Variants in DIP2C observed in about 807,000 individuals in gnomAD.
DIP2C encodes disco-interacting protein 2 homolog C.
A neutral mutation model predicts 192.4 loss-of-function variants in DIP2C; 33 were observed. That is an observed-to-expected ratio of 0.17 (90% confidence interval 0.13 to 0.23). The LOEUF is 0.23. Among genes scored for constraint, DIP2C ranks in the 10% least tolerant of loss-of-function variants. DIP2C has a pLI of 1.00. For missense variants in DIP2C, 1,537 were observed against 2,110.1 expected, an observed-to-expected ratio of 0.73 and a Z score of 5.32; for synonymous variants, 979 against 864.1, an observed-to-expected ratio of 1.13 and a Z score of -2.33.
chr10:531,550 G>A (rs1384070101), intron 1 of DIP2C, among the ~76,000 whole-genome samples: 2 of 152,118 alleles, frequency 1.3e-5, no homozygotes, highest in Admixed American at 1.3e-4. Flanking sequence ...AAGGTTCAGG[G>A]CCCCCCAGTC....
intron 24 of DIP2C, among the ~76,000 whole-genome samples, chr10:349,934 C>T (rs183026875): frequency 1.2e-3 from 178 of 152,230 alleles, no homozygotes; most frequent in Non-Finnish European, 2.2e-3. Flanking sequence ...AACAAACACA[C>T]CCTACAGGAA....
intron 1 of DIP2C, among the ~76,000 whole-genome samples, chr10:592,285 T>TTG (rs763206088): frequency 2.0e-5 from 3 of 152,182 alleles, no homozygotes; most frequent in Non-Finnish European, 2.9e-5. Context: ...GCGTGACAGT[T>TTG]TGTGTGGCTG....
chr10:366,540 T>C (rs1309837422), intron 18 of DIP2C, 129 bp from the exon 19 acceptor site: 9 of 1,292,134 alleles, frequency 7.0e-6, no homozygotes, highest in Admixed American at 2.1e-5. Flanking sequence ...ACTGCACGGA[T>C]GGTAGTCAGC....
Position 349,327 on chromosome 10 carries a change from G to C in DIP2C, c.3109+4C>G. 6.2e-7 allele frequency: 1 copy of C among 1,603,778 alleles called. No homozygotes were observed. The highest frequency in any genetic ancestry group is 1.1e-5 in the South Asian group (1 of 90,924). On this transcript the variant is annotated splice_donor_region_variant and intron_variant, in intron 25 of 36. Transcript: ENST00000280886. ...CTCAGGGGAAGCCCACCCTGCGCCTGTACCTGGGGGGTAGACCAAGGCCAC... is the reference window on the plus strand; with the variant it reads ...CTCAGGGGAAGCCCACCCTGCGCCTCTACCTGGGGGGTAGACCAAGGCCAC...
chr10:395,962 C>A (rs1052618092), intron 10 of DIP2C, among the ~76,000 whole-genome samples: 5 of 152,154 alleles, frequency 3.3e-5, no homozygotes, highest in Admixed American at 6.5e-5. Context: ...CCCCGAGATG[C>A]CCCTCATCCC....
intron 36 of DIP2C, among the ~76,000 whole-genome samples, chr10:278,056 G>A (rs1332133053): frequency 6.7e-6 from 1 of 148,924 alleles, no homozygotes; most frequent in Non-Finnish European, 1.5e-5. Flanking sequence ...ACTCCTCTCT[G>A]TCTGTGCGGT....
chr10:415,967 C>A, intron 6 of DIP2C, 79 bp from the exon 7 acceptor site: 1 of 1,590,588 alleles, frequency 6.3e-7, no homozygotes, highest in South Asian at 1.1e-5. Flanking sequence ...AGTCCCACAG[C>A]CCCCTCCCCA....
intron 1 of DIP2C, among the ~76,000 whole-genome samples, chr10:595,141 G>A (rs909879224): frequency 2.0e-5 from 3 of 152,296 alleles, no homozygotes; most frequent in East Asian, 1.9e-4. Context: ...CAGCAAAGGC[G>A]AGGCGCAGGG....
At chr10:612,464 CA>C (rs1193976000) in intron 1 of DIP2C, among the ~76,000 whole-genome samples, 2 of 151,560 alleles carry the variant, frequency 1.3e-5, no homozygotes, top group Non-Finnish European at 2.9e-5. Context: ...GGAGAAAAAG[CA>C]CAGTTAAGGA....
intron 32 of DIP2C, among the ~76,000 whole-genome samples, chr10:291,600 G>A (rs1955501031): frequency 6.6e-6 from 1 of 152,184 alleles, no homozygotes; most frequent in African/African-American, 2.4e-5. Flanking sequence ...ATGAAACCAG[G>A]TGATCTTGGT....
chr10:673,003 A>G (rs1184957324), intron 1 of DIP2C, among the ~76,000 whole-genome samples: 1 of 152,232 alleles, frequency 6.6e-6, no homozygotes, highest in East Asian at 1.9e-4. Context: ...TAAAGTTCTA[A>G]AGGTTCCCAG....
chr10:428,354 TTC>T (rs1209636203), intron 4 of DIP2C, among the ~76,000 whole-genome samples: 2 of 152,206 alleles, frequency 1.3e-5, no homozygotes, highest in Non-Finnish European at 2.9e-5. Context: ...TGATAACATA[TTC>T]TCTCAGCTTT....
chr10:573,963 A>AC (rs1163196395), intron 1 of DIP2C, among the ~76,000 whole-genome samples: 5 of 152,214 alleles, frequency 3.3e-5, no homozygotes, highest in African/African-American at 1.2e-4. Flanking sequence ...CAGATTCCAA[A>AC]CACGTTCTGA....
At chr10:624,880 G>C (rs548447806) in intron 1 of DIP2C, among the ~76,000 whole-genome samples, 7 of 152,264 alleles carry the variant, frequency 4.6e-5, no homozygotes, top group Non-Finnish European at 7.4e-5. Context: ...GAACCCGGGG[G>C]GGGAGCCGCA....
chr10:672,892 C>G (rs1378099609), intron 1 of DIP2C, among the ~76,000 whole-genome samples: 1 of 152,166 alleles, frequency 6.6e-6, no homozygotes, highest in African/African-American at 2.4e-5. Flanking sequence ...TTTTGTCATC[C>G]ATGACACACA....
chr10:650,667 T>G (rs1855824246), intron 1 of DIP2C: 1 of 618,520 alleles, frequency 1.6e-6, no homozygotes, highest in Non-Finnish European at 2.9e-6. Flanking sequence ...GCACGTGAGC[T>G]GGCAAGGGGC....
chr10:445,365 G>A (rs1163150822), intron 3 of DIP2C, among the ~76,000 whole-genome samples: 3 of 151,954 alleles, frequency 2.0e-5, no homozygotes, highest in Admixed American at 6.6e-5. Context: ...CATCTGTTGT[G>A]AAGAGTCTCA....
intron 1 of DIP2C, among the ~76,000 whole-genome samples, chr10:557,052 G>A (rs542202179): frequency 6.6e-6 from 1 of 152,358 alleles, no homozygotes; most frequent in East Asian, 1.9e-4. Flanking sequence ...GCTCCCTCCT[G>A]CAGAGCTCAA....
intron 1 of DIP2C, among the ~76,000 whole-genome samples, chr10:644,578 C>T (rs1855361036): frequency 6.6e-6 from 1 of 152,268 alleles, no homozygotes; most frequent in African/African-American, 2.4e-5. Context: ...TGGGCAGGTG[C>T]AGCTGAAACA....
Sources: gnomAD v4.1 joint callset for allele counts (sites outside exome capture counted in the v4.1 genomes callset) on GRCh38, gnomAD v4.1.1 for gene constraint, MANE v1.5 for transcripts, NCBI Gene and HGNC (gene_info 2026-07-23, HGNC 2026-07-21) for gene names.